Variants in ZNF568 observed in about 807,000 individuals in gnomAD.
ZNF568 encodes p53 inhibitor of SCO2 activation.
In ZNF568, 11 loss-of-function variants were observed where a neutral mutation model predicts 18.1. That is an observed-to-expected ratio of 0.61 (90% CI 0.38 to 1.00). The LOEUF (loss-of-function observed/expected upper bound fraction) is 1.00, where lower values mean the gene tolerates loss of function less well. Ranked by LOEUF, ZNF568 falls within the 50% of genes least tolerant of loss-of-function variation. ZNF568 has a pLI of 0.01. For missense variants in ZNF568, 639 were observed against 768.2 expected (o/e 0.83, Z 1.99); for synonymous variants, 213 against 246.6 (o/e 0.86, Z 1.28).
At chr19:36,995,948 TGTGAAC>T (rs2074467088) in intron 4 of ZNF568, among the ~76,000 whole-genome samples, 1 of 152,200 alleles carries the variant, frequency 6.6e-6, no homozygotes, top group Non-Finnish European at 1.5e-5. Flanking sequence ...CTCTGAAACT[TGTGAAC>T]GTGTTACTCT....
chr19:36,936,736 G>A lies in ZNF568; in HGVS notation c.136-10G>A, dbSNP rs986149432. ...ATGACTTCAAATTAATTAGCATTAT[G>A]TTTTTACAGGAAACAGTGACATTTA... On this transcript the variant is annotated splice_polypyrimidine_tract_variant and intron_variant, in intron 4 of 6. Coordinates refer to ENST00000333987, the MANE Select transcript of ZNF568 (RefSeq NM_198539.4). 1 of 1,610,184 alleles carries A rather than the reference G, an allele frequency of 6.2e-7. No homozygotes were observed. The highest frequency in any genetic ancestry group is 8.5e-7 in the Non-Finnish European group (1 of 1,177,478).
chr19:36,961,490 A>G (rs1464005392), intron 6 of ZNF568, among the ~76,000 whole-genome samples: 1 of 151,714 alleles, frequency 6.6e-6, no homozygotes, highest in East Asian at 1.9e-4. Flanking sequence ...GCCATTCTCT[A>G]TTTTTTAAGT....
At chr19:36,984,786 A>G (rs2074361901), downstream of ZNF568, among the ~76,000 whole-genome samples, 1 of 152,012 alleles carries the variant, frequency 6.6e-6, no homozygotes, top group Non-Finnish European at 1.5e-5. Context: ...TTTTGTTATT[A>G]AATAGTCATC....
chr19:36,937,869 T>A (rs1366749781), intron 6 of ZNF568, among the ~76,000 whole-genome samples: 1 of 152,198 alleles, frequency 6.6e-6, no homozygotes, highest in Admixed American at 6.6e-5. Context: ...TGAAAAGATA[T>A]AACCAATGTA....
chr19:36,985,461 C>T (rs902665683), intron 2 of ZNF568, among the ~76,000 whole-genome samples: 5 of 152,054 alleles, frequency 3.3e-5, no homozygotes, highest in Non-Finnish European at 7.4e-5. Context: ...ACTGATTTTC[C>T]TGACTCTTTG....
intron 6 of ZNF568, among the ~76,000 whole-genome samples, chr19:36,968,639 C>A (rs375398934): frequency 6.7e-6 from 1 of 150,332 alleles, no homozygotes; most frequent in Admixed American, 6.6e-5. Context: ...AGGTTACTTA[C>A]CAATTAAAAA....
At chr19:36,968,341 G>A (rs576861121) in intron 6 of ZNF568, among the ~76,000 whole-genome samples, 2 of 152,010 alleles carry the variant, frequency 1.3e-5, no homozygotes, top group Non-Finnish European at 2.9e-5. Flanking sequence ...TTGGGAGGCC[G>A]AGGCAGGTAG....
At chr19:36,971,205 C>T (rs2074232926) in intron 6 of ZNF568, among the ~76,000 whole-genome samples, 1 of 151,642 alleles carries the variant, frequency 6.6e-6, no homozygotes, top group African/African-American at 2.4e-5. Context: ...TGCACACCAG[C>T]CTGGGCAACA....
At chr19:36,948,658 ATTTTTT>A (rs4069585) in intron 6 of ZNF568, among the ~76,000 whole-genome samples, 28,766 of 83,726 alleles carry the variant, frequency 0.34, 3,777 homozygotes, top group Middle Eastern at 0.43. Context: ...TTTGTTGTTG[ATTTTTT>A]TTTTTTTTTT....
intron 3 of ZNF568, chr19:36,991,313 C>A (rs1270791687): frequency 2.0e-6 from 3 of 1,527,968 alleles, no homozygotes; most frequent in Non-Finnish European, 2.6e-6. Context: ...ACTTTATCTG[C>A]CCCTCCGTAC....
At chr19:36,981,950 T>C (rs1158156490), downstream of ZNF568, among the ~76,000 whole-genome samples, 1 of 152,156 alleles carries the variant, frequency 6.6e-6, no homozygotes, top group African/African-American at 2.4e-5. Flanking sequence ...ATTTTTTTTT[T>C]TCTTAAAACT....
Position 36,937,176 on chromosome 19 carries a change from T to C in ZNF568, c.292T>C (p.Phe98Leu). 1 of 1,614,060 alleles carries C rather than the reference T, an allele frequency of 6.2e-7. No homozygotes were observed. Among genetic ancestry groups the C allele is most frequent in the Non-Finnish European group, 8.5e-7 (1 of 1,179,938 alleles). Residue 98 changes from phenylalanine (F) to leucine (L), a missense_variant, in exon 6 of 7, where the codon TTC (phenylalanine) becomes CTC (leucine). Coordinates refer to ENST00000333987, the MANE Select transcript of ZNF568 (RefSeq NM_198539.4). ...TCAAGTCACCAAACCGGATGTGATA[T>C]TCAAGTTGGAGCAAGAAGAGGAGCC... Reference protein sequence around the residue: ...GCQVTKPDVIFKLEQEEEPWV... With the variant: ...GCQVTKPDVILKLEQEEEPWV...
At position 36,916,870 on chromosome 19, in the gene ZNF568, C is replaced by T. The variant is rs957636190; in HGVS notation, c.-256+279C>T. 6.6e-6 allele frequency among the ~76,000 whole-genome samples: 1 copy of T among 151,884 alleles called. No homozygotes were observed. The highest frequency in any genetic ancestry group is 1.5e-5 in the Non-Finnish European group (1 of 67,904). ...GCACAGTTGGTAACGGCTTGAAAAA[C>T]ACTTATTTGTTTTCTACTGATCCTC... On this transcript the variant is annotated intron_variant, in intron 1 of 6. Coordinates refer to ENST00000333987, the MANE Select transcript of ZNF568 (RefSeq NM_198539.4). This position sits in a 1 kb window ranked among gnomAD's most constrained non-coding sequence, Gnocchi z 5.3.
chr19:36,971,841 T>C (rs1443978661), intron 6 of ZNF568, among the ~76,000 whole-genome samples: 1 of 123,650 alleles, frequency 8.1e-6, no homozygotes, highest in East Asian at 2.1e-4. Context: ...CTGACCTATT[T>C]ATAACTTTTT....
chr19:36,923,060 A>G (rs2073485378), intron 3 of ZNF568, among the ~76,000 whole-genome samples: 1 of 152,166 alleles, frequency 6.6e-6, no homozygotes, highest in African/African-American at 2.4e-5. Context: ...ATGTTTAAGT[A>G]TATCTTTAAA....
chr19:36,962,024 T>C (rs1026846158), intron 6 of ZNF568, among the ~76,000 whole-genome samples: 1 of 151,314 alleles, frequency 6.6e-6, no homozygotes, highest in African/African-American at 2.4e-5. Context: ...CAGGCTAGTC[T>C]TGAACTCCTG....
chr19:36,948,153 C>T (rs1475637998), intron 6 of ZNF568, among the ~76,000 whole-genome samples: 1 of 152,162 alleles, frequency 6.6e-6, no homozygotes, highest in East Asian at 1.9e-4. Flanking sequence ...TCCTTCCTCT[C>T]CCATAAGCTC....
In ZNF568 at chr19:36,951,057, G is replaced by T. The variant is rs1263415314; in HGVS notation, c.1904G>T (p.Gly635Val). Residue 635 changes from glycine to valine, a missense_variant, in exon 7 of 7, where the codon GGT becomes GTT. By Grantham distance (109) the Gly-to-Val change is moderately radical. Transcript: ENST00000333987. Reference sequence around the variant, plus strand: ...GCATCCCTTTCTATACATAAGAGAGGTCATACAGGTGAGAGACACCAAGTA... The same window carrying T: ...GCATCCCTTTCTATACATAAGAGAGTTCATACAGGTGAGAGACACCAAGTA... Reference protein sequence around the residue: ...QRASLSIHKRGHTGERHQVY With the variant: ...QRASLSIHKRVHTGERHQVY 1 of 1,576,954 alleles carries T rather than the reference G, an allele frequency of 6.3e-7. No individual in the cohort carries two copies. The highest frequency in any genetic ancestry group is 1.9e-5 in the Admixed American group (1 of 52,096).
At chr19:36,947,498 A>T (rs1168421654) in intron 6 of ZNF568, among the ~76,000 whole-genome samples, 2 of 152,124 alleles carry the variant, frequency 1.3e-5, no homozygotes, top group Non-Finnish European at 2.9e-5. Context: ...ACATGCAGTT[A>T]TGTCTAGGAA....
Sources: gnomAD v4.1 joint callset for allele counts (sites outside exome capture counted in the v4.1 genomes callset) on GRCh38, gnomAD v4.1.1 for gene constraint, Gnocchi (gnomAD v3.1) non-coding constraint, MANE v1.5 for transcripts, NCBI Gene and HGNC (gene_info 2026-07-23, HGNC 2026-07-21) for gene names.